SLCO3A1: variants seen among roughly 807,000 people sequenced by gnomAD.
SLCO3A1 encodes solute carrier organic anion transporter family member 3A1.
SLCO3A1 carries 27 observed loss-of-function variants against 63.1 expected under a neutral mutation model. The observed-to-expected ratio is 0.43, with a 90% CI of 0.32 to 0.59. The LOEUF is 0.59. Among genes scored for constraint, SLCO3A1 ranks in the 20% least tolerant of loss-of-function variants. The pLI, the probability that SLCO3A1 is intolerant of heterozygous loss-of-function variation, is 0.09. For synonymous variants in SLCO3A1, 473 were observed against 409.9 expected, an observed-to-expected ratio of 1.15 and a Z score of -1.86; for missense variants, 773 against 945.8, an observed-to-expected ratio of 0.82 and a Z score of 2.40.
chr15:92,127,160 G>C (rs1476090452), intron 6 of SLCO3A1, among the ~76,000 whole-genome samples: 1 of 152,136 alleles, frequency 6.6e-6, no homozygotes, highest in African/African-American at 2.4e-5. Context: ...ACACCATCAC[G>C]GGGTTGCCCC....
At position 91,896,905 on chromosome 15, in the gene SLCO3A1, C is replaced by G. The variant is rs1001668292; in HGVS notation, c.181-19088C>G. ...TCCAAATGGTACTTAGAATATGTCTCATTGATACCAGCCTTGATGCTGAGG... is the reference window on the plus strand; with the variant it reads ...TCCAAATGGTACTTAGAATATGTCTGATTGATACCAGCCTTGATGCTGAGG... On this transcript the variant is annotated intron_variant, in intron 1 of 9. Coordinates refer to ENST00000318445, the MANE Select transcript of SLCO3A1 (RefSeq NM_013272.4). 3.3e-5 allele frequency among the ~76,000 whole-genome samples: 5 copies of G among 152,294 alleles called. No homozygotes were observed. In the South Asian group the frequency reaches 6.2e-4, roughly 19 times the overall value.
At chr15:91,880,498 T>C (rs181005840) in intron 1 of SLCO3A1, among the ~76,000 whole-genome samples, 7 of 152,038 alleles carry the variant, frequency 4.6e-5, no homozygotes, top group Non-Finnish European at 8.8e-5. Flanking sequence ...GAATCTGCTG[T>C]ACATTTATTG....
chr15:92,017,081 G>A (rs530307128), intron 2 of SLCO3A1, among the ~76,000 whole-genome samples: 80 of 152,196 alleles, frequency 5.3e-4, no homozygotes, highest in African/African-American at 1.9e-3. Context: ...GGACTCCAAG[G>A]TTAAGAGGCA....
intron 7 of SLCO3A1, among the ~76,000 whole-genome samples, chr15:92,144,216 A>C (rs1207510862): frequency 1.3e-5 from 2 of 152,234 alleles, no homozygotes; most frequent in Non-Finnish European, 2.9e-5. Flanking sequence ...ACAGATTAAC[A>C]GGAGGAAAAC....
intron 2 of SLCO3A1, among the ~76,000 whole-genome samples, chr15:91,979,106 G>C (rs1057414190): frequency 6.6e-6 from 1 of 152,204 alleles, no homozygotes; most frequent in African/African-American, 2.4e-5. Flanking sequence ...ACATAATGCA[G>C]TTTTCATCAT....
At chr15:91,857,029 CGTGTGTGTGT>C (rs58042356) in intron 1 of SLCO3A1, among the ~76,000 whole-genome samples, 2,170 of 139,088 alleles carry the variant, frequency 0.016, 56 homozygotes, top group East Asian at 0.079. Flanking sequence ...AAGGAGGACT[CGTGTGTGTGT>C]GTGTGTGTGT....
chr15:92,058,190 C>T (rs74030445), intron 2 of SLCO3A1, among the ~76,000 whole-genome samples: 4,430 of 152,026 alleles, frequency 0.029, 202 homozygotes, highest in African/African-American at 0.1. Flanking sequence ...TGTTTGTGCA[C>T]GCCTGATCCG....
chr15:92,080,937 G>GGTGTGT lies in SLCO3A1; in HGVS notation c.647-13944_647-13943insGTGTGT, dbSNP rs746523979. 1.9e-3 allele frequency among the ~76,000 whole-genome samples: 149 copies of GGTGTGT among 78,224 alleles called. 1 individual carries two copies. Among genetic ancestry groups the GGTGTGT allele is most frequent in the Non-Finnish European group, 3.2e-3 (116 of 35,990 alleles). 51.3% of individuals were successfully genotyped at this position (78,224 alleles called of 152,430 possible). ...TTTTCATTTTTATGGATACATAGTAGCTGTGTGTGTGTGTGTGTGTGTGTG... is the reference window on the plus strand; with the variant it reads ...TTTTCATTTTTATGGATACATAGTAGGTGTGTCTGTGTGTGTGTGTGTGTGTGTGTG... On this transcript the variant is annotated intron_variant, in intron 2 of 9. Coordinates refer to ENST00000318445, the MANE Select transcript of SLCO3A1 (RefSeq NM_013272.4).
Position 91,900,575 on chromosome 15 carries a change from C to T in SLCO3A1, c.181-15418C>T, listed in dbSNP as rs776089863. Among the ~76,000 whole-genome samples the T allele has an allele frequency of 2.0e-5, 3 of 152,096 alleles. No homozygotes were observed. Among genetic ancestry groups the T allele is most frequent in the Non-Finnish European group, 4.4e-5 (3 of 68,022 alleles). The stretch of plus-strand genomic sequence containing the variant: ...AACTGCTGACCTCAGGTGATCCGCC[C>T]GCCTTGGCCTCCCAAAGTGCTGGGA... On this transcript the variant is annotated intron_variant, in intron 1 of 9. Coordinates refer to ENST00000318445, the MANE Select transcript of SLCO3A1 (RefSeq NM_013272.4). This position sits in a 1 kb window ranked among gnomAD's most constrained non-coding sequence, Gnocchi z 4.3.
intron 9 of SLCO3A1, among the ~76,000 whole-genome samples, chr15:92,152,909 T>C (rs2048325835): frequency 6.6e-6 from 1 of 152,226 alleles, no homozygotes; most frequent in African/African-American, 2.4e-5. Context: ...TCTGCACCTC[T>C]AGACAGATAC....
rs1400982649 is a variant in SLCO3A1 at position 92,023,527 on chromosome 15, G to C, written c.647-71354G>C. Among the ~76,000 whole-genome samples the C allele has an allele frequency of 3.3e-5, 5 of 151,822 alleles. No homozygotes were observed. In the East Asian group the frequency reaches 7.7e-4, roughly 24 times the overall value. ...TTCTGTCACCAGGCTGGAGTGCAGT[G>C]GTGGGATCTCAGCTCACTGCAGCCT... On this transcript the variant is annotated intron_variant, in intron 2 of 9. Transcript: ENST00000318445.
At chr15:92,149,526 C>G (rs1488395861) in intron 8 of SLCO3A1, 1 of 152,252 alleles carries the variant, frequency 6.6e-6, no homozygotes, top group East Asian at 1.9e-4. Flanking sequence ...AAGCTGATGC[C>G]CAGCCCCTCT....
chr15:92,121,883 A>G (rs565471731), intron 5 of SLCO3A1, among the ~76,000 whole-genome samples: 3 of 152,200 alleles, frequency 2.0e-5, no homozygotes, highest in Admixed American at 6.5e-5. Context: ...GTTGGCTTTA[A>G]TGATGAGGAC....
chr15:92,057,291 G>T (rs117263239), intron 2 of SLCO3A1, among the ~76,000 whole-genome samples: 1 of 152,226 alleles, frequency 6.6e-6, no homozygotes, highest in Admixed American at 6.5e-5. Context: ...CTGGCAGCCC[G>T]TCATTTCACT....
At chr15:92,054,757 C>T (rs1567093096) in intron 2 of SLCO3A1, among the ~76,000 whole-genome samples, 1 of 152,138 alleles carries the variant, frequency 6.6e-6, no homozygotes, top group Non-Finnish European at 1.5e-5. Context: ...CAGGTTTATC[C>T]ATGTCCCTGC....
At chr15:92,125,458 C>T (rs1052116981) in intron 5 of SLCO3A1, among the ~76,000 whole-genome samples, 2 of 152,120 alleles carry the variant, frequency 1.3e-5, no homozygotes, top group African/African-American at 4.8e-5. Flanking sequence ...ATATATATGC[C>T]ATTTATTCAC....
At chr15:91,903,568 C>G (rs1898215100) in intron 1 of SLCO3A1, among the ~76,000 whole-genome samples, 1 of 152,152 alleles carries the variant, frequency 6.6e-6, no homozygotes, top group Non-Finnish European at 1.5e-5. Context: ...CTGTTTCTCA[C>G]CCACACAGAG....
intron 2 of SLCO3A1, among the ~76,000 whole-genome samples, chr15:92,031,237 C>A (rs1301214760): frequency 1.3e-5 from 2 of 151,964 alleles, no homozygotes; most frequent in African/African-American, 4.8e-5. Context: ...AGGAGTTGAA[C>A]AGGAGGAGTT....
At chr15:91,907,773 G>A (rs931265524) in intron 1 of SLCO3A1, among the ~76,000 whole-genome samples, 6 of 151,508 alleles carry the variant, frequency 4.0e-5, no homozygotes, top group Admixed American at 6.6e-5. Context: ...TGATCCACCC[G>A]TCTCGGCCTC....
Sources: gnomAD v4.1 joint callset for allele counts (sites outside exome capture counted in the v4.1 genomes callset) on GRCh38, gnomAD v4.1.1 for gene constraint, Gnocchi (gnomAD v3.1) non-coding constraint, MANE v1.5 for transcripts, NCBI Gene and HGNC (gene_info 2026-07-23, HGNC 2026-07-21) for gene names.